IGBP1C: variants seen among roughly 807,000 people sequenced by gnomAD.
The protein encoded by IGBP1C is immunoglobulin-binding protein 1 family member C.
At chr17:58,664,295 G>A in the IGBP1C span, among the ~76,000 whole-genome samples, 1 of 152,160 alleles carries the variant, frequency 6.6e-6, no homozygotes, top group Admixed American at 6.6e-5. Flanking sequence ...AGGCCTCTAT[G>A]ATTATTTGTG....
At chr17:58,673,331 A>C in the IGBP1C span, among the ~76,000 whole-genome samples, 1 of 151,636 alleles carries the variant, frequency 6.6e-6, no homozygotes, top group Non-Finnish European at 1.5e-5. Flanking sequence ...CAAATATAAA[A>C]AATTAGCCAG....
the IGBP1C span, among the ~76,000 whole-genome samples, chr17:58,688,507 G>C: frequency 1.4e-4 from 22 of 152,264 alleles, no homozygotes; most frequent in East Asian, 3.3e-3. Flanking sequence ...CTGAATATGC[G>C]CATTAGAATG....
the IGBP1C span, chr17:58,677,835 G>A: frequency 6.6e-6 from 1 of 152,246 alleles, no homozygotes; most frequent in African/African-American, 2.4e-5. Context: ...CTACTTACAA[G>A]ATAAAGACTT....
chr17:58,676,579 CA>C, the IGBP1C span, among the ~76,000 whole-genome samples: 1 of 151,872 alleles, frequency 6.6e-6, no homozygotes, highest in Non-Finnish European at 1.5e-5. Flanking sequence ...GAAAACAAAA[CA>C]AAACAAAACC....
chr17:58,684,786 C>A, the IGBP1C span, among the ~76,000 whole-genome samples: 1 of 152,050 alleles, frequency 6.6e-6, no homozygotes, highest in African/African-American at 2.4e-5. Flanking sequence ...ATCAGCCTGG[C>A]CAATATGGCA....
the IGBP1C span, among the ~76,000 whole-genome samples, chr17:58,666,310 T>G: frequency 6.6e-6 from 1 of 151,916 alleles, no homozygotes; most frequent in East Asian, 1.9e-4. Flanking sequence ...ATTGCTCCAC[T>G]GCACTCCAGC....
At chr17:58,668,303 T>G in the IGBP1C span, among the ~76,000 whole-genome samples, 1 of 152,234 alleles carries the variant, frequency 6.6e-6, no homozygotes, top group Non-Finnish European at 1.5e-5. Context: ...GCGGTCTCTA[T>G]ACCTATCCTG....
the IGBP1C span, among the ~76,000 whole-genome samples, chr17:58,681,828 A>C: frequency 5.9e-5 from 9 of 152,178 alleles, no homozygotes; most frequent in East Asian, 1.7e-3. Context: ...GGGTGACAGC[A>C]GGAAACTCTT....
At chr17:58,689,377 T>A in the IGBP1C span, among the ~76,000 whole-genome samples, 1 of 151,892 alleles carries the variant, frequency 6.6e-6, no homozygotes, top group Non-Finnish European at 1.5e-5. Flanking sequence ...CACATCAACA[T>A]GCCCAGCTAA....
chr17:58,688,668 A>C, the IGBP1C span, among the ~76,000 whole-genome samples: 2 of 152,172 alleles, frequency 1.3e-5, 1 homozygote, highest in Admixed American at 1.3e-4. Flanking sequence ...TGAAGGTCAC[A>C]TAGTTGGTAA....
chr17:58,666,458 C>CAAACAA, the IGBP1C span: 157 of 36,850 alleles, frequency 4.3e-3, 1 homozygote, highest in Middle Eastern at 0.028. Context: ...CCTTCCACGG[C>CAAACAA]AAAAAAAAAA....
chr17:58,664,390 T>G, the IGBP1C span, among the ~76,000 whole-genome samples: 1 of 152,352 alleles, frequency 6.6e-6, no homozygotes, highest in Non-Finnish European at 1.5e-5. Context: ...CCACATTGTC[T>G]ACTCCAGTAT....
chr17:58,666,265 TC>T, the IGBP1C span, among the ~76,000 whole-genome samples: 2 of 151,036 alleles, frequency 1.3e-5, no homozygotes, highest in Non-Finnish European at 2.9e-5. Context: ...CGAGAATAGC[TC>T]GAACTCGGGA....
chr17:58,672,231 T>C, the IGBP1C span, among the ~76,000 whole-genome samples: 7 of 152,106 alleles, frequency 4.6e-5, no homozygotes, highest in Non-Finnish European at 7.4e-5. Context: ...GCGGCCTAGT[T>C]CCTAACAGGC....
the IGBP1C span, among the ~76,000 whole-genome samples, chr17:58,673,487 A>ATAAG: frequency 3.1e-5 from 4 of 127,048 alleles, no homozygotes. Context: ...CATCTCAAAA[A>ATAAG]TAAATAAATA....
At chr17:58,686,496 G>A in the IGBP1C span, among the ~76,000 whole-genome samples, 1 of 152,162 alleles carries the variant, frequency 6.6e-6, no homozygotes, top group Non-Finnish European at 1.5e-5. Context: ...TTTGCATCTG[G>A]ACGGCAGAGG....
At chr17:58,680,221 G>A in the IGBP1C span, among the ~76,000 whole-genome samples, 1 of 152,158 alleles carries the variant, frequency 6.6e-6, no homozygotes, top group Admixed American at 6.6e-5. Flanking sequence ...CGGCTTTCTT[G>A]CGCAGTTAAA....
the IGBP1C span, among the ~76,000 whole-genome samples, chr17:58,685,914 G>A: frequency 7.1e-6 from 1 of 141,118 alleles, no homozygotes; most frequent in Non-Finnish European, 1.5e-5. Context: ...ACAATCGCCT[G>A]AACATGGGAG....
At chr17:58,688,324 C>T in the IGBP1C span, among the ~76,000 whole-genome samples, 3 of 151,994 alleles carry the variant, frequency 2.0e-5, no homozygotes, top group Admixed American at 1.3e-4. Context: ...TTTACCACAT[C>T]GCCCAGGCTG....
Sources: allele counts gnomAD v4.1 joint callset (sites outside exome capture counted in the v4.1 genomes callset), GRCh38; gene constraint gnomAD v4.1.1; transcripts MANE v1.5; gene names NCBI Gene and HGNC (gene_info 2026-07-23, HGNC 2026-07-21).